The following RABGAP1L variants were observed in gnomAD, a reference collection of about 807,000 sequenced individuals.
The protein encoded by RABGAP1L is rab GTPase-activating protein 1-like.
A neutral mutation model predicts 137.7 loss-of-function variants in RABGAP1L; 63 were observed. The observed-to-expected ratio is 0.46, with a 90% confidence interval of 0.37 to 0.56. RABGAP1L has a LOEUF of 0.56. Among genes scored for constraint, RABGAP1L ranks in the 20% least tolerant of loss-of-function variants. The pLI, the probability that RABGAP1L is intolerant of heterozygous loss-of-function variation, is 0.00. For synonymous variants in RABGAP1L, 431 were observed against 433.7 expected, an observed-to-expected ratio of 0.99 and a Z score of 0.08; for missense variants, 1,095 against 1,244.0, an observed-to-expected ratio of 0.88 and a Z score of 1.80.
At chr1:174,443,495 A>G (rs1654387424) in intron 13 of RABGAP1L, among the ~76,000 whole-genome samples, 1 of 152,198 alleles carries the variant, frequency 6.6e-6, no homozygotes, top group South Asian at 2.1e-4. Flanking sequence ...AATTTTTCAT[A>G]TAACTCTTGG....
At chr1:174,918,823 A>AT (rs1661314464) in intron 19 of RABGAP1L, among the ~76,000 whole-genome samples, 1 of 120,606 alleles carries the variant, frequency 8.3e-6, no homozygotes, top group African/African-American at 2.6e-5. Context: ...AGTGAGACCC[A>AT]CCCCCCCGAT....
At chr1:174,728,520 C>T (rs536004358) in intron 17 of RABGAP1L, among the ~76,000 whole-genome samples, 7 of 151,240 alleles carry the variant, frequency 4.6e-5, no homozygotes, top group African/African-American at 7.3e-5. Context: ...TTGGAAGAAT[C>T]GGTATCATTA....
At position 174,597,157 on chromosome 1, in the gene RABGAP1L, G is replaced by A. The variant is rs963813229; in HGVS notation, c.1711-40218G>A. On this transcript the variant is annotated intron_variant, in intron 13 of 25. Transcript: ENST00000681986. ...GGATTTTTTGTATCAATGTTCGTCA[G>A]AAATGTTGGCCTGGAATTTTCTTTT... Among the ~76,000 whole-genome samples, 5 of 152,140 alleles carry A rather than the reference G, an allele frequency of 3.3e-5. No individual in the cohort carries two copies. The South Asian group carries it at 1.0e-3, about 32-fold the overall frequency.
rs568774999 is a variant in RABGAP1L at position 174,426,323 on chromosome 1, G to A, written c.1710+32178G>A. ...AACTAGATTCTCTCACATTTCTGAA[G>A]CTGTCTTTTGGTAGCCCGATAATAT... On this transcript the variant is annotated intron_variant, in intron 13 of 25. Coordinates refer to ENST00000681986, the MANE Select transcript of RABGAP1L (RefSeq NM_001366446.1). Among the ~76,000 whole-genome samples the A allele has an allele frequency of 3.3e-5, 5 of 152,124 alleles. No individual in the cohort carries two copies. In the South Asian group the frequency reaches 1.0e-3, roughly 32 times the overall value.
chr1:174,687,278 C>T (rs1678550058), intron 15 of RABGAP1L, among the ~76,000 whole-genome samples: 1 of 152,102 alleles, frequency 6.6e-6, no homozygotes, highest in African/African-American at 2.4e-5. Flanking sequence ...AGATAGCTTC[C>T]AGTGTATGTT....
At chr1:174,875,427 A>C (rs1243615206) in intron 19 of RABGAP1L, 2 of 623,076 alleles carry the variant, frequency 3.2e-6, no homozygotes, top group Non-Finnish European at 4.0e-6. Flanking sequence ...AACTGCGGTT[A>C]TAACTCTTGT....
At chr1:174,789,220 C>G (rs1687673426) in intron 18 of RABGAP1L, among the ~76,000 whole-genome samples, 1 of 152,102 alleles carries the variant, frequency 6.6e-6, no homozygotes, top group Non-Finnish European at 1.5e-5. Context: ...TGTGGCTAGT[C>G]TTTATGATGG....
At chr1:174,596,733 C>G (rs1396538405) in intron 13 of RABGAP1L, among the ~76,000 whole-genome samples, 2 of 152,104 alleles carry the variant, frequency 1.3e-5, no homozygotes, top group Admixed American at 1.3e-4. Context: ...ATTCCTTTAG[C>G]TAGGATTTCC....
At chr1:174,323,031 A>G (rs1162774604) in intron 11 of RABGAP1L, among the ~76,000 whole-genome samples, 3 of 152,164 alleles carry the variant, frequency 2.0e-5, no homozygotes, top group Non-Finnish European at 4.4e-5. Context: ...TAAAATTGGT[A>G]AAATGACAGG....
At chr1:174,247,032 T>C (rs1672323504) in intron 5 of RABGAP1L, among the ~76,000 whole-genome samples, 1 of 152,222 alleles carries the variant, frequency 6.6e-6, no homozygotes, top group Non-Finnish European at 1.5e-5. Context: ...ATCTTATTTT[T>C]TTTTCTCCAT....
At chr1:174,924,243 C>A (rs573742787) in intron 19 of RABGAP1L, among the ~76,000 whole-genome samples, 1 of 151,414 alleles carries the variant, frequency 6.6e-6, no homozygotes, top group African/African-American at 2.4e-5. Context: ...AAAAATCAGC[C>A]GGGCATGATA....
Position 174,546,927 on chromosome 1 carries a change from G to A in RABGAP1L, c.1711-90448G>A, listed in dbSNP as rs1176438521. Among the ~76,000 whole-genome samples, 5 of 150,328 alleles carry A rather than the reference G, an allele frequency of 3.3e-5. No homozygotes were observed. The East Asian group carries it at 9.9e-4, about 30-fold the overall frequency. The stretch of plus-strand genomic sequence containing the variant: ...CACCTGTAATCCCAGCTACTTGGGA[G>A]GCTGAGGCAGGAGAATGGCGTGAAC... On this transcript the variant is annotated intron_variant, in intron 13 of 25. Transcript: ENST00000681986.
chr1:174,773,322 G>A (rs547684461), intron 18 of RABGAP1L, among the ~76,000 whole-genome samples: 1 of 152,188 alleles, frequency 6.6e-6, no homozygotes. Context: ...GCCCATGAGT[G>A]CAAGACTAAT....
chr1:174,230,253 G>C (rs537273064), intron 3 of RABGAP1L, among the ~76,000 whole-genome samples: 1 of 149,464 alleles, frequency 6.7e-6, no homozygotes, highest in East Asian at 2.0e-4. Flanking sequence ...GTTGTGAGGT[G>C]GGGGGAGGGG....
At chr1:174,596,292 A>G (rs1669908679) in intron 13 of RABGAP1L, among the ~76,000 whole-genome samples, 1 of 150,954 alleles carries the variant, frequency 6.6e-6, no homozygotes, top group Admixed American at 6.6e-5. Flanking sequence ...CTCAGATGGA[A>G]ATGCAGAAAT....
chr1:174,899,269 G>A (rs1657741249), intron 19 of RABGAP1L, among the ~76,000 whole-genome samples: 2 of 152,178 alleles, frequency 1.3e-5, no homozygotes, highest in Admixed American at 1.3e-4. Context: ...ATCGTAGAGT[G>A]CAAGGTGAGG....
At chr1:174,185,929 A>T (rs775256879) in intron 1 of RABGAP1L, among the ~76,000 whole-genome samples, 44 of 152,148 alleles carry the variant, frequency 2.9e-4, no homozygotes, top group Non-Finnish European at 5.6e-4. Flanking sequence ...GGATCACCTA[A>T]GGTCGGGAGT....
chr1:174,984,619 G>A (rs1001266884), intron 24 of RABGAP1L, among the ~76,000 whole-genome samples: 1 of 152,142 alleles, frequency 6.6e-6, no homozygotes, highest in Non-Finnish European at 1.5e-5. Flanking sequence ...GCTCACACCT[G>A]TAATCTCAGC....
chr1:174,601,989 C>T (rs1670451541), intron 13 of RABGAP1L, among the ~76,000 whole-genome samples: 1 of 152,178 alleles, frequency 6.6e-6, no homozygotes, highest in Non-Finnish European at 1.5e-5. Flanking sequence ...ATATCACTCT[C>T]AGGCTTTTGG....
Sources: gnomAD v4.1 joint callset for allele counts (sites outside exome capture counted in the v4.1 genomes callset) on GRCh38, gnomAD v4.1.1 for gene constraint, MANE v1.5 for transcripts, NCBI Gene and HGNC (gene_info 2026-07-23, HGNC 2026-07-21) for gene names.